The following ANKRD45 variants were observed in gnomAD, a reference collection of about 807,000 sequenced individuals.
ANKRD45 encodes the protein ankyrin repeat domain-containing protein 45.
A neutral mutation model predicts 28.1 loss-of-function variants in ANKRD45; 21 were observed. The ratio of observed to expected loss-of-function variants is 0.75; its 90% CI spans 0.53 to 1.08. ANKRD45 has a LOEUF of 1.08. Ranked by LOEUF, ANKRD45 falls within the 50% of genes least tolerant of loss-of-function variation. The pLI is 0.00. For synonymous variants in ANKRD45, 86 were observed against 103.9 expected, an observed-to-expected ratio of 0.83 and a Z score of 1.05; for missense variants, 261 against 308.7, an observed-to-expected ratio of 0.85 and a Z score of 1.16.
intron 2 of ANKRD45, among the ~76,000 whole-genome samples, chr1:173,647,768 A>G (rs12074150): frequency 0.18 from 27,466 of 152,064 alleles, 8,242 homozygotes; most frequent in African/African-American, 0.62. Flanking sequence ...AGTCAATCCC[A>G]TAATCTTTTG....
the ANKRD45 span, among the ~76,000 whole-genome samples, chr1:173,689,936 G>A: frequency 4.7e-4 from 72 of 151,734 alleles, no homozygotes; most frequent in East Asian, 0.013. Context: ...ACAGTAACTC[G>A]ACCCAAGTGT....
the ANKRD45 span, among the ~76,000 whole-genome samples, chr1:173,713,941 TG>T: frequency 6.6e-6 from 1 of 152,300 alleles, no homozygotes; most frequent in East Asian, 1.9e-4. Context: ...CCCTATACCT[TG>T]ATAAATCATC....
the ANKRD45 span, among the ~76,000 whole-genome samples, chr1:173,709,525 G>A: frequency 6.6e-6 from 1 of 152,140 alleles, no homozygotes; most frequent in Non-Finnish European, 1.5e-5. Flanking sequence ...GGGATTACAT[G>A]AGGGCATGAA....
intron 3 of ANKRD45, among the ~76,000 whole-genome samples, chr1:173,638,229 C>T (rs547067069): frequency 8.5e-5 from 13 of 152,072 alleles, no homozygotes; most frequent in East Asian, 3.9e-4. Flanking sequence ...AGAGAATCGG[C>T]GAGACATCTC....
intron 3 of ANKRD45, among the ~76,000 whole-genome samples, chr1:173,628,857 A>G (rs1301153949): frequency 1.3e-5 from 2 of 151,964 alleles, no homozygotes; most frequent in African/African-American, 2.4e-5. Flanking sequence ...TTCAGGTCTG[A>G]CCCAGGGCAG....
In ANKRD45 at chr1:173,628,380, GC is replaced by G. The variant is rs1285538592; in HGVS notation, c.497-1222del. 3.3e-5 allele frequency among the ~76,000 whole-genome samples: 5 copies of G among 152,050 alleles called. No homozygotes were observed. The East Asian group carries it at 7.8e-4, about 24-fold the overall frequency. On this transcript the variant is annotated intron_variant, in intron 3 of 5. Transcript: ENST00000333279. ...CTCCTGGAGAGCATTTCTGGGCCTG[GC>G]CTGGACCAGAGGAGAGCCCACTGCC... is the stretch of plus-strand genomic sequence containing the variant.
At chr1:173,712,565 G>C in the ANKRD45 span, among the ~76,000 whole-genome samples, 2 of 152,142 alleles carry the variant, frequency 1.3e-5, no homozygotes, top group African/African-American at 4.8e-5. Context: ...AATTTGACTA[G>C]TGCTAATACA....
chr1:173,634,628 C>T (rs553935313), intron 3 of ANKRD45, among the ~76,000 whole-genome samples: 1 of 151,884 alleles, frequency 6.6e-6, no homozygotes, highest in African/African-American at 2.4e-5. Context: ...GACTCATTGC[C>T]CTCTCAACAG....
intron 2 of ANKRD45, among the ~76,000 whole-genome samples, chr1:173,650,853 T>C (rs1669175246): frequency 6.6e-6 from 1 of 152,224 alleles, no homozygotes; most frequent in Non-Finnish European, 1.5e-5. Context: ...CCAACAATGA[T>C]GAGTATTTTT....
In ANKRD45 at chr1:173,653,582, G is replaced by A. The variant is rs144013832; in HGVS notation, c.328+5509C>T. Among the ~76,000 whole-genome samples, 336 of 152,254 alleles carry A rather than the reference G, an allele frequency of 2.2e-3. 4 individuals carry two copies. The highest frequency in any genetic ancestry group is 7.1e-3 in the African/African-American group (296 of 41,546). ...AGAAGAATGTATATTCTGTTGATTC[G>A]GGGTGCAGCATTCTGCAGATGTCTA... On this transcript the variant is annotated intron_variant, in intron 2 of 5. Coordinates refer to ENST00000333279, the MANE Select transcript of ANKRD45 (RefSeq NM_198493.3).
chr1:173,692,197 AAC>A, the ANKRD45 span, among the ~76,000 whole-genome samples: 1 of 152,246 alleles, frequency 6.6e-6, no homozygotes, highest in East Asian at 1.9e-4. Flanking sequence ...CAAAGAATTG[AAC>A]ATACTGACAT....
upstream of ANKRD45, among the ~76,000 whole-genome samples, chr1:173,672,384 C>T (rs940482164): frequency 2.0e-5 from 3 of 152,072 alleles, no homozygotes. Context: ...TTTTAACATG[C>T]TATTTTTCAT....
chr1:173,613,206 C>A (rs1667260642), intron 5 of ANKRD45, among the ~76,000 whole-genome samples: 1 of 152,084 alleles, frequency 6.6e-6, no homozygotes, highest in East Asian at 1.9e-4. Context: ...CCCCGCCACC[C>A]CGTCTGGGAT....
At chr1:173,656,554 T>C (rs1208493550) in intron 2 of ANKRD45, among the ~76,000 whole-genome samples, 1 of 152,186 alleles carries the variant, frequency 6.6e-6, no homozygotes, top group Non-Finnish European at 1.5e-5. Context: ...ATTTGTATCA[T>C]TAGCCAATTA....
At chr1:173,627,881 G>A (rs1376531540) in intron 3 of ANKRD45, among the ~76,000 whole-genome samples, 1 of 151,664 alleles carries the variant, frequency 6.6e-6, no homozygotes. Context: ...TTCTGCTTGA[G>A]GAGAAGAGAG....
At chr1:173,634,304 A>C (rs1221732895) in intron 3 of ANKRD45, among the ~76,000 whole-genome samples, 1 of 151,854 alleles carries the variant, frequency 6.6e-6, no homozygotes, top group African/African-American at 2.4e-5. Flanking sequence ...AGCACTCCAC[A>C]GATACAGACA....
the ANKRD45 span, among the ~76,000 whole-genome samples, chr1:173,709,751 C>T: frequency 1.3e-3 from 198 of 152,218 alleles, 2 homozygotes; most frequent in African/African-American, 4.4e-3. Context: ...CCCACCTCAG[C>T]CTCCCCAGTA....
intron 3 of ANKRD45, chr1:173,635,533 A>T: frequency 6.6e-7 from 1 of 1,523,222 alleles, no homozygotes; most frequent in Non-Finnish European, 8.8e-7. Flanking sequence ...TGTCTAATCA[A>T]AGACTACCGC....
At chr1:173,644,819 C>T (rs1449812344) in intron 3 of ANKRD45, among the ~76,000 whole-genome samples, 1 of 151,896 alleles carries the variant, frequency 6.6e-6, no homozygotes, top group Non-Finnish European at 1.5e-5. Flanking sequence ...ATGGTGAAAC[C>T]CTGTCTCTAC....
Sources: allele counts gnomAD v4.1 joint callset (sites outside exome capture counted in the v4.1 genomes callset), GRCh38; gene constraint gnomAD v4.1.1; transcripts MANE v1.5; gene names NCBI Gene and HGNC (gene_info 2026-07-23, HGNC 2026-07-21).